AUTS2: variants seen among roughly 807,000 people sequenced by gnomAD.
The protein encoded by AUTS2 is activator of transcription and developmental regulator AUTS2.
AUTS2 carries 17 observed loss-of-function variants against 112.4 expected under a neutral mutation model. The ratio of observed to expected loss-of-function variants is 0.15; its 90% CI spans 0.10 to 0.23. AUTS2 has a LOEUF of 0.23. Ranked by LOEUF, AUTS2 falls within the 10% of genes least tolerant of loss-of-function variation. The pLI is 1.00. For synonymous variants in AUTS2, 751 were observed against 702.7 expected (o/e 1.07, Z -1.09); for missense variants, 1,510 against 1,701.6 (o/e 0.89, Z 1.98).
intron 4 of AUTS2, among the ~76,000 whole-genome samples, chr7:70,181,492 T>TC (rs1562768921): frequency 1.3e-5 from 2 of 151,232 alleles, no homozygotes; most frequent in Non-Finnish European, 3.0e-5. Flanking sequence ...CTTTTTTTTT[T>TC]CTTTTTTTTT....
chr7:70,244,750 C>T (rs553462166), intron 4 of AUTS2, among the ~76,000 whole-genome samples: 40 of 152,226 alleles, frequency 2.6e-4, no homozygotes, highest in African/African-American at 9.2e-4. Context: ...GATAAATTTT[C>T]GGTGAAAGGG....
chr7:70,717,613 C>A (rs1213301745), intron 6 of AUTS2, among the ~76,000 whole-genome samples: 1 of 152,096 alleles, frequency 6.6e-6, no homozygotes, highest in African/African-American at 2.4e-5. Flanking sequence ...ATAGGCCAAC[C>A]CACTATGAGT....
At chr7:69,783,911 C>A (rs760762619) in intron 1 of AUTS2, among the ~76,000 whole-genome samples, 5 of 152,156 alleles carry the variant, frequency 3.3e-5, no homozygotes, top group African/African-American at 4.8e-5. Context: ...GAAATGATTT[C>A]TTGAGTCAGT....
intron 2 of AUTS2, among the ~76,000 whole-genome samples, chr7:70,080,131 T>C (rs536135353): frequency 6.6e-6 from 1 of 152,266 alleles, no homozygotes; most frequent in African/African-American, 2.4e-5. Context: ...AATCCAAATT[T>C]GGTCATTTGT....
rs753111079 is a variant in AUTS2, at chr7:70,631,454, G to T, written c.691-67115G>T. Among the ~76,000 whole-genome samples, 13 of 152,298 alleles carry T rather than the reference G, an allele frequency of 8.5e-5. No individual in the cohort carries two copies. The highest frequency in any genetic ancestry group is 3.1e-4 in the African/African-American group (13 of 41,574). ...TTTCAGAGGAAGCGTCCAATGGGCCGTTCAGGTTAGGGAGTTCCGAGACTC... is the reference window on the plus strand; with the variant it reads ...TTTCAGAGGAAGCGTCCAATGGGCCTTTCAGGTTAGGGAGTTCCGAGACTC... On this transcript the variant is annotated intron_variant, in intron 5 of 18. Transcript: ENST00000342771. This position sits in a 1 kb window ranked among gnomAD's most constrained non-coding sequence, Gnocchi z 4.5.
At chr7:69,640,966 A>G (rs1292261243) in intron 1 of AUTS2, among the ~76,000 whole-genome samples, 1 of 152,172 alleles carries the variant, frequency 6.6e-6, no homozygotes. Flanking sequence ...TTACAGATAC[A>G]AGGTTGGGTG....
intron 2 of AUTS2, among the ~76,000 whole-genome samples, chr7:70,110,795 C>T (rs1805033510): frequency 6.7e-6 from 1 of 149,496 alleles, no homozygotes; most frequent in Non-Finnish European, 1.5e-5. Context: ...TGAAACTTGT[C>T]TAATTGCATT....
intron 4 of AUTS2, among the ~76,000 whole-genome samples, chr7:70,258,451 A>G (rs1466495980): frequency 1.3e-5 from 2 of 152,222 alleles, no homozygotes; most frequent in African/African-American, 2.4e-5. Context: ...TCTGAGTTAG[A>G]AATGAATTGT....
intron 1 of AUTS2, among the ~76,000 whole-genome samples, chr7:69,742,166 A>G (rs1034721132): frequency 8.5e-6 from 1 of 117,440 alleles, no homozygotes; most frequent in Non-Finnish European, 1.8e-5. Flanking sequence ...AGATTTACCT[A>G]TGTATTTGAC....
At chr7:70,717,261 G>T (rs988249310) in intron 6 of AUTS2, among the ~76,000 whole-genome samples, 2 of 152,126 alleles carry the variant, frequency 1.3e-5, no homozygotes, top group Non-Finnish European at 2.9e-5. Flanking sequence ...GCCCAGGCTA[G>T]TCTGGAACTC....
chr7:70,540,020 G>T (rs1342879922), intron 5 of AUTS2, among the ~76,000 whole-genome samples: 1 of 152,122 alleles, frequency 6.6e-6, no homozygotes, highest in African/African-American at 2.4e-5. Flanking sequence ...TGGTGTTGAA[G>T]GTTTCTTTCT....
At chr7:70,459,813 G>A (rs1804417245) in intron 5 of AUTS2, among the ~76,000 whole-genome samples, 1 of 152,180 alleles carries the variant, frequency 6.6e-6, no homozygotes, top group African/African-American at 2.4e-5. Context: ...TAGGTTCAGT[G>A]AGACTCCTTC....
At chr7:70,053,544 G>GTTTTT (rs200867539) in intron 2 of AUTS2, among the ~76,000 whole-genome samples, 19,354 of 127,772 alleles carry the variant, frequency 0.15, 2,013 homozygotes, top group South Asian at 0.21. Context: ...GTTTTGGGTG[G>GTTTTT]TTTTTTTTTT....
chr7:69,984,131 A>G (rs918641085), intron 2 of AUTS2, among the ~76,000 whole-genome samples: 10 of 152,180 alleles, frequency 6.6e-5, no homozygotes, highest in Non-Finnish European at 1.5e-4. Context: ...TAGAAATTTG[A>G]GTTCTGCTGG....
intron 1 of AUTS2, among the ~76,000 whole-genome samples, chr7:69,653,896 ACTTCT>A (rs1795398894): frequency 6.6e-6 from 1 of 151,942 alleles, no homozygotes; most frequent in Admixed American, 6.6e-5. Flanking sequence ...AGACCTCCTT[ACTTCT>A]CTCTGTCTCT....
chr7:69,809,231 C>A (rs898998021), intron 1 of AUTS2, among the ~76,000 whole-genome samples: 1 of 152,116 alleles, frequency 6.6e-6, no homozygotes, highest in South Asian at 2.1e-4. Flanking sequence ...CCCGCCACCA[C>A]GCCTGGCTAA....
intron 2 of AUTS2, among the ~76,000 whole-genome samples, chr7:69,979,424 A>G (rs1414898752): frequency 6.6e-6 from 1 of 152,250 alleles, no homozygotes; most frequent in African/African-American, 2.4e-5. Flanking sequence ...ATAACCCTTA[A>G]GGATGAGCAA....
chr7:70,665,557 T>C (rs1807299867), intron 5 of AUTS2, among the ~76,000 whole-genome samples: 1 of 152,218 alleles, frequency 6.6e-6, no homozygotes, highest in East Asian at 1.9e-4. Flanking sequence ...CGCCTCGGCC[T>C]CCCAAAGTAT....
chr7:69,687,528 A>G (rs1797114068), intron 1 of AUTS2, among the ~76,000 whole-genome samples: 1 of 152,214 alleles, frequency 6.6e-6, no homozygotes. Flanking sequence ...ATTAAAGCTC[A>G]TATTAAAGAA....
Sources: gnomAD v4.1 joint callset for allele counts (sites outside exome capture counted in the v4.1 genomes callset) on GRCh38, gnomAD v4.1.1 for gene constraint, Gnocchi (gnomAD v3.1) non-coding constraint, MANE v1.5 for transcripts, NCBI Gene and HGNC (gene_info 2026-07-23, HGNC 2026-07-21) for gene names.